ESRRB: variants seen among roughly 807,000 people sequenced by gnomAD.
The protein encoded by ESRRB is estrogen related receptor beta, also known as steroid hormone receptor ERR2.
In ESRRB, 16 loss-of-function variants were observed where a neutral mutation model predicts 46.0. The observed-to-expected ratio is 0.35, with a 90% confidence interval of 0.24 to 0.53. The LOEUF (loss-of-function observed/expected upper bound fraction) is 0.53, where lower values mean the gene tolerates loss of function less well. Among genes scored for constraint, ESRRB ranks in the 20% least tolerant of loss-of-function variants. ESRRB has a pLI of 0.93. For missense variants in ESRRB, 488 were observed against 607.4 expected, an observed-to-expected ratio of 0.80 and a Z score of 2.07; for synonymous variants, 246 against 259.6, an observed-to-expected ratio of 0.95 and a Z score of 0.50.
At chr14:76,369,541 T>C (rs1884570871), upstream of ESRRB, among the ~76,000 whole-genome samples, 2 of 152,254 alleles carry the variant, frequency 1.3e-5, no homozygotes, top group East Asian at 1.9e-4. Context: ...CCCAAAATGC[T>C]GGGATTATAG....
intron 1 of ESRRB, among the ~76,000 whole-genome samples, chr14:76,331,743 G>T (rs1884016104): frequency 6.6e-6 from 1 of 151,754 alleles, no homozygotes; most frequent in South Asian, 2.1e-4. Flanking sequence ...CCCTGTTCCA[G>T]CTCAGCCCTG....
chr14:76,421,728 C>T (rs1886963299), intron 1 of ESRRB, among the ~76,000 whole-genome samples: 1 of 152,214 alleles, frequency 6.6e-6, no homozygotes, highest in Non-Finnish European at 1.5e-5. Flanking sequence ...CAGTCTGGCT[C>T]ACCTGCAGCC....
intron 1 of ESRRB, among the ~76,000 whole-genome samples, chr14:76,396,884 C>T (rs1885708778): frequency 6.6e-6 from 1 of 152,248 alleles, no homozygotes; most frequent in South Asian, 2.1e-4. Context: ...CACTTCACGC[C>T]TCATGGAGCC....
intron 1 of ESRRB, among the ~76,000 whole-genome samples, chr14:76,386,395 C>G (rs935757526): frequency 6.6e-6 from 1 of 150,592 alleles, no homozygotes; most frequent in African/African-American, 2.4e-5. Flanking sequence ...ACACATTGCT[C>G]TTATTTTTTT....
At position 76,498,459 on chromosome 14, in the gene ESRRB, T is replaced by C. The variant is rs1595178437; in HGVS notation, c.*1T>C. On this transcript the variant is annotated 3_prime_UTR_variant, in exon 7 of 7. Transcript: ENST00000644823. ...GGAGATGCTGGAGGCCAAGGTGTGA[T>C]GGCCCCGCACACGGACCAATGCCCA... 1.2e-6 allele frequency: 2 copies of C among 1,613,128 alleles called. No individual in the cohort carries two copies. The highest frequency in any genetic ancestry group is 1.7e-6 in the Non-Finnish European group (2 of 1,180,010).
intron 5 of ESRRB, among the ~76,000 whole-genome samples, chr14:76,489,546 G>A (rs926713641): frequency 4.6e-5 from 7 of 150,544 alleles, no homozygotes; most frequent in African/African-American, 1.7e-4. Context: ...CGTGTCAGTC[G>A]GTGTAATCAC....
At chr14:76,462,791 T>C (rs1595142841) in intron 3 of ESRRB, 130 bp downstream of exon 3, 1 of 771,768 alleles carries the variant, frequency 1.3e-6, no homozygotes, top group Non-Finnish European at 2.3e-6. Context: ...GCCCATCTCC[T>C]CCCACACCCT....
intron 1 of ESRRB, among the ~76,000 whole-genome samples, chr14:76,384,991 A>C (rs1885162561): frequency 6.6e-6 from 1 of 152,066 alleles, no homozygotes; most frequent in African/African-American, 2.4e-5. Context: ...CGACTCCCAG[A>C]CCTGAAGCCT....
intron 3 of ESRRB, among the ~76,000 whole-genome samples, chr14:76,480,861 G>A (rs879926441): frequency 1.3e-5 from 2 of 152,242 alleles, no homozygotes; most frequent in Non-Finnish European, 2.9e-5. Flanking sequence ...CTGGCCTGTC[G>A]CAGCAGAGGC....
intron 1 of ESRRB, among the ~76,000 whole-genome samples, chr14:76,410,446 T>A (rs1886386164): frequency 6.6e-6 from 1 of 152,192 alleles, no homozygotes; most frequent in Non-Finnish European, 1.5e-5. Context: ...GTAGCCACAG[T>A]TACCAAGTTT....
At chr14:76,400,875 C>A (rs2139839902) in intron 1 of ESRRB, among the ~76,000 whole-genome samples, 1 of 152,312 alleles carries the variant, frequency 6.6e-6, no homozygotes, top group South Asian at 2.1e-4. Context: ...GTGCAGAGGG[C>A]AGCTGGTTCT....
At chr14:76,472,870 T>C (rs993649143) in intron 3 of ESRRB, among the ~76,000 whole-genome samples, 3 of 152,174 alleles carry the variant, frequency 2.0e-5, no homozygotes, top group African/African-American at 7.2e-5. Context: ...CATAAAAGTA[T>C]TGAAAAAACG....
rs916155744 is a variant in ESRRB at position 76,376,904 on chromosome 14, C to G, written c.50+453C>G. Among the ~76,000 whole-genome samples, 10 of 151,998 alleles carry G rather than the reference C, an allele frequency of 6.6e-5. No homozygotes were observed. The highest frequency in any genetic ancestry group is 9.7e-5 in the African/African-American group (4 of 41,402). On this transcript the variant is annotated intron_variant, in intron 1 of 6. Transcript: ENST00000644823. This position sits in a 1 kb window ranked among gnomAD's most constrained non-coding sequence, Gnocchi z 4.1. ...TTCCATCCTGGGGACCAAAAATGAT[C>G]CCGGCAAGAGAGAGAAAATCGAACG...
chr14:76,376,835 T>G lies in ESRRB; in HGVS notation c.50+384T>G, dbSNP rs540330512. On this transcript the variant is annotated intron_variant, in intron 1 of 6. Transcript: ENST00000644823. This position sits in a 1 kb window ranked among gnomAD's most constrained non-coding sequence, Gnocchi z 4.1. ...GGGATGTGGTTGCAAGGATGTCCTG[T>G]CCCGTCAGAGAAAGCCTTTCCCGCG... Among the ~76,000 whole-genome samples, 6 of 152,292 alleles carry G rather than the reference T, an allele frequency of 3.9e-5. No individual in the cohort carries two copies. In the South Asian group the frequency reaches 1.2e-3, roughly 32 times the overall value.
chr14:76,469,939 T>G (rs1479561608), intron 3 of ESRRB, among the ~76,000 whole-genome samples: 1 of 121,776 alleles, frequency 8.2e-6, no homozygotes, highest in African/African-American at 3.0e-5. Flanking sequence ...GTTTTTTTTT[T>G]TTTTCTTTTT....
At chr14:76,466,256 C>T (rs544736974) in intron 3 of ESRRB, among the ~76,000 whole-genome samples, 8 of 152,288 alleles carry the variant, frequency 5.3e-5, no homozygotes, top group African/African-American at 1.9e-4. Flanking sequence ...CTGCTCCCCT[C>T]GCCTGCACGT....
chr14:76,436,202 A>C (rs1887667840), intron 1 of ESRRB, among the ~76,000 whole-genome samples: 1 of 152,186 alleles, frequency 6.6e-6, no homozygotes. Context: ...GGTGTCCTTC[A>C]GGGTTGTCCA....
chr14:76,311,539 T>C (rs957531705), intron 1 of ESRRB, among the ~76,000 whole-genome samples: 6 of 152,210 alleles, frequency 3.9e-5, no homozygotes, highest in African/African-American at 1.4e-4. Context: ...GAAGTCACGA[T>C]GAGAGCTGAG....
chr14:76,480,562 T>C (rs895064472), intron 3 of ESRRB, among the ~76,000 whole-genome samples: 2 of 152,180 alleles, frequency 1.3e-5, no homozygotes, highest in African/African-American at 4.8e-5. Flanking sequence ...AGCCAGAAAA[T>C]AGCCCCAGGC....
Sources: allele counts gnomAD v4.1 joint callset (sites outside exome capture counted in the v4.1 genomes callset), GRCh38; gene constraint gnomAD v4.1.1; non-coding constraint Gnocchi (gnomAD v3.1); transcripts MANE v1.5; gene names NCBI Gene and HGNC (gene_info 2026-07-23, HGNC 2026-07-21).